AHR: variants seen among roughly 807,000 people sequenced by gnomAD.
AHR encodes the protein AH-receptor.
In AHR, 40 loss-of-function variants were observed where a neutral mutation model predicts 86.8. The ratio of observed to expected loss-of-function variants is 0.46; its 90% CI spans 0.36 to 0.60. The LOEUF is 0.60. Among genes scored for constraint, AHR ranks in the 20% least tolerant of loss-of-function variants. The probability of loss-of-function intolerance (pLI) is 0.00; values close to 1 mark genes in which losing one functional copy is unlikely to be tolerated. For missense variants in AHR, 1,001 were observed against 1,011.6 expected (o/e 0.99, Z 0.14); for synonymous variants, 398 against 354.9 (o/e 1.12, Z -1.37).
intron 1 of AHR, among the ~76,000 whole-genome samples, chr7:17,304,661 A>G (rs1781987660): frequency 6.6e-6 from 1 of 152,118 alleles, no homozygotes; most frequent in South Asian, 2.1e-4. Context: ...TGTGTTACTG[A>G]GCAATATATT....
Position 17,339,697 on chromosome 7 carries a change from A to G in AHR, c.1872A>G (p.Gln624=). 3.7e-6 allele frequency: 6 copies of G among 1,614,184 alleles called. No homozygotes were observed. Among genetic ancestry groups the G allele is most frequent in the Non-Finnish European group, 5.1e-6 (6 of 1,180,018 alleles). The change falls in exon 10 of 11, where the codon CAA becomes CAG. Residue 624 remains glutamine (Q), a synonymous_variant. Coordinates refer to ENST00000242057, the MANE Select transcript of AHR (RefSeq NM_001621.5). The stretch of plus-strand genomic sequence containing the variant: ...ACCTACATCTAGAACAGCAACAGCA[A>G]CATCACCAAAAGCAAGTAGTAGTGG... ...QEHLHLEQQQ[Q]HHQKQVVVEP...
chr7:17,307,818 C>G (rs1782021141), intron 1 of AHR, among the ~76,000 whole-genome samples: 1 of 152,136 alleles, frequency 6.6e-6, no homozygotes, highest in African/African-American at 2.4e-5. Context: ...TTGTAAATCT[C>G]AGCTCAACAC....
chr7:17,299,462 C>T, intron 1 of AHR, 133 bp downstream of exon 1: 1 of 1,053,944 alleles, frequency 9.5e-7, no homozygotes, highest in Middle Eastern at 2.1e-4. Context: ...CCCGTGGAAT[C>T]GAGGTTTGGA....
At chr7:17,328,447 G>C (rs1782251632) in intron 4 of AHR, among the ~76,000 whole-genome samples, 2 of 152,008 alleles carry the variant, frequency 1.3e-5, no homozygotes, top group African/African-American at 4.8e-5. Flanking sequence ...ATAAATATTT[G>C]ATATATTGGA....
rs1353937171 is a variant in AHR at position 17,346,089 on chromosome 7, A to G, written c.*3025A>G. On this transcript the variant is annotated 3_prime_UTR_variant, in exon 11 of 11. Transcript: ENST00000242057. ...TAGATTTTTGCTTAAAGTATGATTT[A>G]TAATATCCTCATTATCAAAGTTGTA... The G allele has an allele frequency of 6.6e-6, 1 of 152,622 alleles. No individual in the cohort carries two copies. The highest frequency in any genetic ancestry group is 2.4e-5 in the African/African-American group (1 of 41,442). The allele number at this position is 152,622 out of a possible 1,614,324, so 9.5% of individuals were successfully genotyped here.
chr7:17,339,597 A>T lies in AHR; in HGVS notation c.1772A>T (p.Lys591Met). The change falls in exon 10 of 11, where the codon AAG becomes ATG. Residue 591 changes from lysine to methionine, a missense_variant. Lys to Met is a moderately conservative substitution (Grantham distance 95). Coordinates refer to ENST00000242057, the MANE Select transcript of AHR (RefSeq NM_001621.5). ...ACGTATGTCCAAGATTCTTTAAGTA[A>T]GTCTCCCTTCATACCTTCAGATTAT... ...ILTYVQDSLS[K>M]SPFIPSDYQQ... is the part of the protein sequence containing the mutation. The T allele has an allele frequency of 6.2e-7, 1 of 1,614,134 alleles. No homozygotes were observed. The highest frequency in any genetic ancestry group is 8.5e-7 in the Non-Finnish European group (1 of 1,180,034).
intron 1 of AHR, 81 bp downstream of exon 1, chr7:17,299,410 C>G: frequency 6.7e-7 from 1 of 1,482,966 alleles, no homozygotes; most frequent in Non-Finnish European, 9.2e-7. Context: ...ACCCCGCCCC[C>G]AAATCCCTGC....
At chr7:17,342,816 A>G (rs752796016) in intron 10 of AHR, 105 bp from the exon 11 acceptor site, 21 of 1,122,910 alleles carry the variant, frequency 1.9e-5, no homozygotes, top group Non-Finnish European at 2.7e-5. Context: ...TGAAGTTTAC[A>G]ACTCTCAGGG....
chr7:17,332,259 T>G (rs1279915184), intron 6 of AHR, among the ~76,000 whole-genome samples: 1 of 151,992 alleles, frequency 6.6e-6, no homozygotes, highest in Non-Finnish European at 1.5e-5. Flanking sequence ...ACTATGTATT[T>G]ACTATTAATC....
intron 2 of AHR, among the ~76,000 whole-genome samples, chr7:17,315,133 T>G (rs1179801276): frequency 1.3e-5 from 2 of 152,042 alleles, no homozygotes; most frequent in African/African-American, 2.4e-5. Context: ...CCCCTGCAGA[T>G]TTAAACATGA....
intron 9 of AHR, 173 bp downstream of exon 9, chr7:17,335,959 C>T (rs1782350779): frequency 6.6e-6 from 4 of 610,574 alleles, no homozygotes; most frequent in Admixed American, 3.4e-5. Flanking sequence ...AATTGACGAA[C>T]TTGATTGAGA....
intron 1 of AHR, among the ~76,000 whole-genome samples, chr7:17,300,072 G>A (rs1022505389): frequency 2.6e-5 from 4 of 152,010 alleles, no homozygotes; most frequent in African/African-American, 9.7e-5. Flanking sequence ...ATTTGAGAGA[G>A]GTTTTCATTC....
chr7:17,322,632 T>G, intron 3 of AHR, 25 bp downstream of exon 3: 1 of 1,379,484 alleles, frequency 7.2e-7, no homozygotes, highest in Non-Finnish European at 1.0e-6. Context: ...ATATAGTTTC[T>G]TACACTAAGG....
chr7:17,335,829 A>G (rs1223416820), intron 9 of AHR, 43 bp downstream of exon 9: 4 of 1,580,450 alleles, frequency 2.5e-6, no homozygotes, highest in Non-Finnish European at 3.4e-6. Flanking sequence ...TTTTGTTTTC[A>G]TAAGTCCTCT....
intron 1 of AHR, among the ~76,000 whole-genome samples, chr7:17,309,299 C>T (rs1366625719): frequency 6.6e-6 from 1 of 152,168 alleles, no homozygotes. Context: ...TCACCATTAA[C>T]CTCTAATATT....
intron 2 of AHR, among the ~76,000 whole-genome samples, chr7:17,313,633 T>A (rs1208077957): frequency 6.6e-6 from 1 of 152,186 alleles, no homozygotes; most frequent in Non-Finnish European, 1.5e-5. Context: ...TTTATCCATT[T>A]CTAATTAATT....
chr7:17,321,594 TAC>T (rs71309046), intron 2 of AHR, among the ~76,000 whole-genome samples: 19,629 of 147,532 alleles, frequency 0.13, 1,526 homozygotes, highest in East Asian at 0.38. Context: ...ACCACACACA[TAC>T]ACACACACAC....
At chr7:17,312,191 T>C (rs1397182740) in intron 2 of AHR, among the ~76,000 whole-genome samples, 2 of 152,212 alleles carry the variant, frequency 1.3e-5, no homozygotes, top group Admixed American at 1.3e-4. Flanking sequence ...CTTGACCATG[T>C]GGTGGCAGAT....
At chr7:17,306,354 A>G (rs1002443760) in intron 1 of AHR, among the ~76,000 whole-genome samples, 31 of 152,292 alleles carry the variant, frequency 2.0e-4, no homozygotes, top group African/African-American at 6.7e-4. Flanking sequence ...AATCAGTGAA[A>G]AAGTGGGTCA....
Sources: allele counts gnomAD v4.1 joint callset (sites outside exome capture counted in the v4.1 genomes callset), GRCh38; gene constraint gnomAD v4.1.1; transcripts MANE v1.5; gene names NCBI Gene and HGNC (gene_info 2026-07-23, HGNC 2026-07-21).